Variants in CLSTN3 observed in about 807,000 individuals in gnomAD.
CLSTN3 encodes the protein calsyntenin 3.
Under a neutral mutation model 95.9 loss-of-function variants are expected in CLSTN3, and 36 were observed. That is an observed-to-expected ratio of 0.38 (90% CI 0.29 to 0.50). CLSTN3 has a LOEUF of 0.50. CLSTN3 is among the 20% of genes least tolerant of loss of function. The probability of loss-of-function intolerance (pLI) is 0.95; values close to 1 mark genes in which losing one functional copy is unlikely to be tolerated. For synonymous variants in CLSTN3, 481 were observed against 504.0 expected (o/e 0.95, Z 0.61); for missense variants, 1,084 against 1,268.8 (o/e 0.85, Z 2.21).
In CLSTN3 at chr12:7,150,488, C is replaced by T. The variant is rs1275373627; in HGVS notation, c.2246-56C>T. On this transcript the variant is annotated intron_variant, in intron 14 of 17. Transcript: ENST00000266546. The surrounding 1 kb of genome is among the most constrained non-coding windows in gnomAD (Gnocchi z 4.0). ...CTGGTGGGAGTCCAGGAGAGAGGGT[C>T]CTGCCCAGGTCCTGCCTCCACTGGC... 6 of 1,572,960 alleles carry T rather than the reference C, an allele frequency of 3.8e-6. No homozygotes were observed. The highest frequency in any genetic ancestry group is 4.3e-6 in the Non-Finnish European group (5 of 1,153,316).
At chr12:7,130,163 C>G (rs775371787), upstream of CLSTN3, 538 of 210,678 alleles carry the variant, frequency 2.6e-3, 2 homozygotes, top group African/African-American at 0.012. Context: ...TTTCCCACCC[C>G]CTCCGTGGCT....
rs976345274 is a variant in CLSTN3, at chr12:7,149,886, C to A, written c.2245+193C>A. On this transcript the variant is annotated intron_variant, in intron 14 of 17. Coordinates refer to ENST00000266546, the MANE Select transcript of CLSTN3 (RefSeq NM_014718.4). The surrounding 1 kb of genome is among the most constrained non-coding windows in gnomAD (Gnocchi z 4.5). ...GTGTGCTGGGTTTAGGCTCCGAATG[C>A]TTCTGTCTTCCTGCTCCTCTCCATA... Among the ~76,000 whole-genome samples the A allele has an allele frequency of 1.3e-5, 2 of 152,170 alleles. No individual in the cohort carries two copies. Among genetic ancestry groups the A allele is most frequent in the Non-Finnish European group, 2.9e-5 (2 of 68,032 alleles).
rs905223465 is a variant in CLSTN3, at chr12:7,133,870, A to C, written c.383+102A>C. The C allele has an allele frequency of 1.1e-6, 1 of 943,252 alleles. No individual in the cohort carries two copies. The highest frequency in any genetic ancestry group is 1.7e-5 in the African/African-American group (1 of 59,706). 58.4% of individuals were successfully genotyped at this position (943,252 alleles called of 1,614,324 possible). ...GTGCGGTCATCGAATATCCACCCCC[A>C]CCCGCTGCTGTTCCTAGGACTTAGG... On this transcript the variant is annotated intron_variant, in intron 3 of 17. Coordinates refer to ENST00000266546, the MANE Select transcript of CLSTN3 (RefSeq NM_014718.4). The surrounding 1 kb of genome is among the most constrained non-coding windows in gnomAD (Gnocchi z 4.7).
In CLSTN3 at chr12:7,137,756, A is replaced by ATGTGTGTGTGTGTGTG. The variant is rs35489298; in HGVS notation, c.1211-174_1211-159dup. Among the ~76,000 whole-genome samples the ATGTGTGTGTGTGTGTG allele has an allele frequency of 1.2e-4, 9 of 76,166 alleles. No individual in the cohort carries two copies. The highest frequency in any genetic ancestry group is 5.0e-4 in the East Asian group (1 of 2,012). 50.0% of individuals were successfully genotyped at this position (76,166 alleles called of 152,430 possible). A position where few individuals can be genotyped will look rare whatever the true frequency, so the allele number is the denominator to read the frequency against. The stretch of plus-strand genomic sequence containing the variant: ...AGCCCAAGTTATCACTTGGACTGGA[A>ATGTGTGTGTGTGTGTG]TGTGTGTGTGTGTGTGTGTGTGTGT... On this transcript the variant is annotated intron_variant, in intron 7 of 17. Transcript: ENST00000266546. The surrounding 1 kb of genome is among the most constrained non-coding windows in gnomAD (Gnocchi z 4.4).
At chr12:7,145,926 T>C (rs1939615944) in intron 12 of CLSTN3, among the ~76,000 whole-genome samples, 1 of 152,192 alleles carries the variant, frequency 6.6e-6, no homozygotes, top group Non-Finnish European at 1.5e-5. Flanking sequence ...GTGCCGCGTG[T>C]CTGAAATCTG....
intron 12 of CLSTN3, among the ~76,000 whole-genome samples, chr12:7,147,735 G>C (rs1164820799): frequency 1.3e-5 from 2 of 151,792 alleles, no homozygotes; most frequent in Non-Finnish European, 2.9e-5. Context: ...GGCTGATCTC[G>C]AACTCCTAAG....
Position 7,158,068 on chromosome 12 carries a change from C to G in CLSTN3, c.2858C>G (p.Pro953Arg), listed in dbSNP as rs1056519342. 2.6e-6 allele frequency: 4 copies of G among 1,534,910 alleles called. No individual in the cohort carries two copies. In the East Asian group the frequency reaches 7.4e-5, roughly 28 times the overall value. Residue 953 changes from proline to arginine, a missense_variant, in exon 18 of 18, where the codon CCA becomes CGA. By Grantham distance (103) the Pro-to-Arg change is moderately radical (BLOSUM62 -2). Transcript: ENST00000266546. ...SDERRIIETPPHRY is the reference protein window; with the variant it reads ...SDERRIIETPRHRY Reference sequence around the variant, plus strand: ...GAGAGACGCATCATCGAGACCCCCCCACACCGCTACTAAGGCCTACACCTC... The same window carrying G: ...GAGAGACGCATCATCGAGACCCCCCGACACCGCTACTAAGGCCTACACCTC...
chr12:7,150,808 CT>C lies in CLSTN3; in HGVS notation c.2392-118del. 6.4e-7 allele frequency: 1 copy of C among 1,551,894 alleles called. No homozygotes were observed. The highest frequency in any genetic ancestry group is 1.4e-5 in the African/African-American group (1 of 73,960). On this transcript the variant is annotated intron_variant, in intron 15 of 17. Coordinates refer to ENST00000266546, the MANE Select transcript of CLSTN3 (RefSeq NM_014718.4). This position sits in a 1 kb window ranked among gnomAD's most constrained non-coding sequence, Gnocchi z 4.0. ...ATGGCAGCGTGGAGGGCTGCTGGACCTTGCAGTGGGTGGAGGAGAAGGAGAT... is the reference window on the plus strand; with the variant it reads ...ATGGCAGCGTGGAGGGCTGCTGGACCTGCAGTGGGTGGAGGAGAAGGAGAT...
chr12:7,131,602 C>A (rs1436287287), intron 1 of CLSTN3, among the ~76,000 whole-genome samples: 1 of 152,060 alleles, frequency 6.6e-6, no homozygotes, highest in Non-Finnish European at 1.5e-5. Flanking sequence ...AACGCAGAGA[C>A]CGCAGGGGGC....
upstream of CLSTN3, chr12:7,129,837 C>T: frequency 1.0e-6 from 1 of 984,752 alleles, no homozygotes; most frequent in Non-Finnish European, 1.2e-6. The surrounding 1 kb of genome is among the most constrained non-coding windows in gnomAD (Gnocchi z 5.5). Context: ...GGTGCGTGCG[C>T]GAGGGGTGCA....
At chr12:7,155,113 C>A (rs1939793109) in intron 16 of CLSTN3, among the ~76,000 whole-genome samples, 1 of 152,208 alleles carries the variant, frequency 6.6e-6, no homozygotes, top group Non-Finnish European at 1.5e-5. Flanking sequence ...ACTGTCCTCG[C>A]AATCCCATGG....
chr12:7,131,048 C>T (rs1939289981), intron 1 of CLSTN3: 2 of 461,618 alleles, frequency 4.3e-6, no homozygotes, highest in South Asian at 2.2e-5. Context: ...AGGACTGCCC[C>T]CGAGCCGGTG....
intron 12 of CLSTN3, among the ~76,000 whole-genome samples, chr12:7,144,534 G>A (rs949510606): frequency 6.6e-6 from 1 of 152,114 alleles, no homozygotes; most frequent in African/African-American, 2.4e-5. Flanking sequence ...AGTGGATGCC[G>A]CTTAAATGCT....
upstream of CLSTN3, chr12:7,130,034 TG>T (rs62997561): frequency 1 from 200,340 of 200,504 alleles, 100,088 homozygotes; most frequent in Middle Eastern, 1. Flanking sequence ...AAACAGGTTA[TG>T]GCAGAGTTGG....
At chr12:7,142,631 A>C in intron 10 of CLSTN3, among the ~76,000 whole-genome samples, 1 of 136,462 alleles carries the variant, frequency 7.3e-6, no homozygotes, top group African/African-American at 2.8e-5. Context: ...CCCTGGCTTT[A>C]TTCTGTCTTC....
intron 1 of CLSTN3, chr12:7,132,637 CCCAGGG>C (rs1939326374): frequency 2.0e-6 from 1 of 502,960 alleles, no homozygotes; most frequent in Non-Finnish European, 3.5e-6. Context: ...CCTTCCCTTT[CCCAGGG>C]CCTTCTCACA....
chr12:7,146,306 G>A (rs1939620415), intron 12 of CLSTN3, among the ~76,000 whole-genome samples: 1 of 152,114 alleles, frequency 6.6e-6, no homozygotes, highest in African/African-American at 2.4e-5. Flanking sequence ...AGGCTGAGGT[G>A]GGAGAATCAC....
rs1424959191 is a variant in CLSTN3, at chr12:7,148,969, T to C, written c.1848-3T>C. ...ATGCTGCTTCTCCTGCTTTCTTACA[T>C]AGGTGCTTCAGCGAAGAGTCCTGCG... On this transcript the variant is annotated splice_region_variant and splice_polypyrimidine_tract_variant and intron_variant, in intron 12 of 17. Transcript: ENST00000266546. 2 of 1,613,342 alleles carry C rather than the reference T, an allele frequency of 1.2e-6. No homozygotes were observed. The highest frequency in any genetic ancestry group is 1.7e-6 in the Non-Finnish European group (2 of 1,179,436).
At chr12:7,135,993 T>C (rs765243697) in intron 5 of CLSTN3, 40 bp downstream of exon 5, 1 of 1,564,020 alleles carries the variant, frequency 6.4e-7, no homozygotes, top group Non-Finnish European at 8.6e-7. Flanking sequence ...TGAATCATCT[T>C]TTTTCTTGGT....
Sources: allele counts gnomAD v4.1 joint callset (sites outside exome capture counted in the v4.1 genomes callset), GRCh38; gene constraint gnomAD v4.1.1; non-coding constraint Gnocchi (gnomAD v3.1); transcripts MANE v1.5; gene names NCBI Gene and HGNC (gene_info 2026-07-23, HGNC 2026-07-21).